Variants in FASN observed in about 807,000 individuals in gnomAD.
FASN encodes the protein fatty acid synthase, also known as 3-hydroxyacyl-[acyl-carrier-protein] dehydratase.
FASN carries 50 observed loss-of-function variants against 250.0 expected under a neutral mutation model. The ratio of observed to expected loss-of-function variants is 0.20; its 90% CI spans 0.16 to 0.25. The LOEUF (loss-of-function observed/expected upper bound fraction) is 0.25, where lower values mean the gene tolerates loss of function less well. FASN is among the 10% of genes least tolerant of loss of function. The pLI, the probability that FASN is intolerant of heterozygous loss-of-function variation, is 1.00. For missense variants in FASN, 3,031 were observed against 3,498.5 expected, an observed-to-expected ratio of 0.87 and a Z score of 3.37; for synonymous variants, 1,909 against 1,584.0, an observed-to-expected ratio of 1.21 and a Z score of -4.87.
intron 8 of FASN, among the ~76,000 whole-genome samples, chr17:82,092,219 C>T (rs934646525): frequency 4.6e-5 from 7 of 152,222 alleles, no homozygotes; most frequent in African/African-American, 9.6e-5. Context: ...GTCCGGCAGA[C>T]GCTCTGCAGG....
chr17:82,080,611 A>T, intron 39 of FASN, 21 bp from the exon 40 acceptor site: 1 of 1,552,320 alleles, frequency 6.4e-7, no homozygotes, highest in Admixed American at 2.0e-5. Context: ...AGTGCCGGGC[A>T]CTCAGCATGT....
chr17:82,085,130 G>T lies in FASN; in HGVS notation c.4314C>A (p.Ser1438=). The change falls in exon 25 of 43, where the codon TCC becomes TCA. Residue 1438 remains serine, a synonymous_variant. Coordinates refer to ENST00000306749, the MANE Select transcript of FASN (RefSeq NM_004104.5). ...TGATGGCCTTCAGCCACACAGGCCG[G>T]GAAGAGTCTTCGTCAGCCAGGATGC... ...LKGILADEDS[S]RPVWLKAINC... 6.2e-7 allele frequency: 1 copy of T among 1,612,670 alleles called. No individual in the cohort carries two copies. The highest frequency in any genetic ancestry group is 1.1e-5 in the South Asian group (1 of 91,088).
In FASN at chr17:82,083,299, A is replaced by G; in HGVS notation, c.5468T>C (p.Val1823Ala). 6.2e-7 allele frequency: 1 copy of G among 1,612,408 alleles called. No individual in the cohort carries two copies. The highest frequency in any genetic ancestry group is 8.5e-7 in the Non-Finnish European group (1 of 1,179,948). ...GAACACCGTGCACTTGAGGGGCCGT[A>G]CCACCCCATCCCGGATGCCGGCCTG... is the stretch of plus-strand genomic sequence containing the variant. ...LVQAGIRDGV[V>A]RPLKCTVFHG... The change falls in exon 32 of 43, where the codon GTA (valine) becomes GCA (alanine). Residue 1823 changes from valine (V) to alanine (A), a missense_variant. Val to Ala is a moderately conservative substitution (Grantham distance 64). Coordinates refer to ENST00000306749, the MANE Select transcript of FASN (RefSeq NM_004104.5).
In FASN at chr17:82,084,575, G is replaced by A; in HGVS notation, c.4706C>T (p.Ala1569Val). 1.9e-6 allele frequency: 3 copies of A among 1,611,606 alleles called. No individual in the cohort carries two copies. The highest frequency in any genetic ancestry group is 2.5e-6 in the Non-Finnish European group (3 of 1,179,508). The change falls in exon 27 of 43, where the codon GCC (alanine) becomes GTC (valine). Residue 1569 changes from alanine to valine, a missense_variant. By Grantham distance (64) the Ala-to-Val change is moderately conservative. Coordinates refer to ENST00000306749, the MANE Select transcript of FASN (RefSeq NM_004104.5). ...PGAQLCTVYY[A>V]SLNFRDIMLA... is the part of the protein sequence containing the mutation. ...CATGATGTCGCGGAAGTTGAGGGAG[G>A]CGTAGTAGACCGTGCAGAGCTGGGC...
At position 82,087,638 on chromosome 17, in the gene FASN, C is replaced by T. The variant is rs567429745; in HGVS notation, c.3043+47G>A. On this transcript the variant is annotated intron_variant, in intron 19 of 42. Transcript: ENST00000306749. ...GTGCCCTCTGTGGTCCCCACAATGACGACCGCCCTCCCCGGTGGCTTGGGC... is the reference window on the plus strand; with the variant it reads ...GTGCCCTCTGTGGTCCCCACAATGATGACCGCCCTCCCCGGTGGCTTGGGC... 5.8e-5 allele frequency: 93 copies of T among 1,605,444 alleles called. 2 individuals carry two copies. In the Admixed American group the frequency reaches 7.7e-4, roughly 13 times the overall value.
In FASN at chr17:82,091,241, C is replaced by G; in HGVS notation, c.1473G>C (p.Pro491=). Residue 491 remains proline (P), a synonymous_variant, in exon 9 of 43, where the codon CCG becomes CCC. Transcript: ENST00000306749. ...EVQQVPAGER[P]LWFICSGMGT... is the part of the protein sequence containing the mutation. ...GCTCACCAGAGCAGATGAACCAGAG[C>G]GGGCGCTCGCCAGCGGGCACCTGCT... 1.4e-5 allele frequency: 22 copies of G among 1,599,390 alleles called. No homozygotes were observed. The highest frequency in any genetic ancestry group is 1.8e-5 in the Non-Finnish European group (21 of 1,173,966).
Position 82,088,559 on chromosome 17 carries a change from G to A in FASN, c.2424C>T (p.Ile808=), listed in dbSNP as rs972029475. The change falls in exon 16 of 43, where the codon ATC becomes ATT. Residue 808 remains isoleucine (I), a synonymous_variant. Transcript: ENST00000306749. ...AGIGRLHLSG[I]DANPNALFPP... ...GGAACAAGGCATTGGGGTTGGCGTCGATGCTACGGAGAAGGGAGGCATGGG... is the reference window on the plus strand; with the variant it reads ...GGAACAAGGCATTGGGGTTGGCGTCAATGCTACGGAGAAGGGAGGCATGGG... 4 of 1,604,440 alleles carry A rather than the reference G, an allele frequency of 2.5e-6. No individual in the cohort carries two copies. The highest frequency in any genetic ancestry group is 2.7e-5 in the African/African-American group (2 of 74,898).
At position 82,081,172 on chromosome 17, in the gene FASN, T is replaced by G; in HGVS notation, c.6587A>C (p.Glu2196Ala). 6.3e-7 allele frequency: 1 copy of G among 1,583,778 alleles called. No individual in the cohort carries two copies. The highest frequency in any genetic ancestry group is 8.6e-7 in the Non-Finnish European group (1 of 1,166,192). The change falls in exon 38 of 43, where the codon GAG becomes GCG. Residue 2196 changes from glutamate to alanine, a missense_variant. Physicochemically the swap from Glu to Ala is moderately radical, Grantham distance 107. Coordinates refer to ENST00000306749, the MANE Select transcript of FASN (RefSeq NM_004104.5). ...TGGCCACCCACACGCACCGCTGGCC[T>G]CATCCGCCTTTGAGGACAGCTCCTG... Reference protein sequence around the residue: ...KLQELSSKADEASELACPTPK... With the variant: ...KLQELSSKADAASELACPTPK...
Position 82,082,327 on chromosome 17 carries a change from C to G in FASN, c.6007G>C (p.Asp2003His), listed in dbSNP as rs2034004552. The change falls in exon 35 of 43, where the codon GAC becomes CAC. Residue 2003 changes from aspartate (D) to histidine (H), a missense_variant. Transcript: ENST00000306749. ...GCAGGGCTGTGCGGTACCCACCTGT[C>G]CAGGTTCAGGGTGCCGCTGTACTTG... ...KPKYSGTLNL[D>H]RVTREACPEL... is the part of the protein sequence containing the mutation. 6.2e-7 allele frequency: 1 copy of G among 1,612,586 alleles called. No homozygotes were observed. The highest frequency in any genetic ancestry group is 8.5e-7 in the Non-Finnish European group (1 of 1,179,944).
At position 82,085,151 on chromosome 17, in the gene FASN, G is replaced by A. The variant is rs374289785; in HGVS notation, c.4293C>T (p.Ile1431=). The A allele has an allele frequency of 2.5e-6, 4 of 1,612,470 alleles. No homozygotes were observed. Among genetic ancestry groups the A allele is most frequent in the South Asian group, 1.1e-5 (1 of 91,088 alleles). ...GCCGGGAAGAGTCTTCGTCAGCCAG[G>A]ATGCCCTACAGCGGGTCGGGGAGGG... The part of the protein sequence containing the change: ...SFRWVESLKG[I]LADEDSSRPV... Residue 1431 remains isoleucine (I), a synonymous_variant, in exon 25 of 43, where the codon ATC becomes ATT. Coordinates refer to ENST00000306749, the MANE Select transcript of FASN (RefSeq NM_004104.5).
chr17:82,083,252 C>A lies in FASN; in HGVS notation c.5515G>T (p.Ala1839Ser). The change falls in exon 32 of 43, where the codon GCC becomes TCC. Residue 1839 changes from alanine (A) to serine (S), a missense_variant. Physicochemically the swap from Ala to Ser is moderately conservative, Grantham distance 99. Coordinates refer to ENST00000306749, the MANE Select transcript of FASN (RefSeq NM_004104.5). The part of the protein sequence containing the change: ...TVFHGAQVED[A>S]FRYMAQGKHI... The stretch of plus-strand genomic sequence containing the variant: ...TTCCCTTGGGCCATGTAGCGGAAGG[C>A]GTCCTCCACCTGGGCCCCATGGAAC... 3 of 1,612,720 alleles carry A rather than the reference C, an allele frequency of 1.9e-6. No homozygotes were observed. Among genetic ancestry groups the A allele is most frequent in the Non-Finnish European group, 1.7e-6 (2 of 1,179,982 alleles).
rs750458567 is a variant in FASN at position 82,087,058 on chromosome 17, A to G, written c.3419T>C (p.Leu1140Pro). Reference protein sequence around the residue: ...ERAALQEELQLCKGLVQALQT... With the variant: ...ERAALQEELQPCKGLVQALQT... The stretch of plus-strand genomic sequence containing the variant: ...CAGGGCTGGGACCTCACCCTTGCAC[A>G]GTTGCAGCTCCTCCTGCAGGGCAGC... Residue 1140 changes from leucine (L) to proline (P), a missense_variant, in exon 21 of 43, where the codon CTG becomes CCG. Physicochemically the swap from Leu to Pro is moderately conservative, Grantham distance 98. Coordinates refer to ENST00000306749, the MANE Select transcript of FASN (RefSeq NM_004104.5). 1 of 1,611,184 alleles carries G rather than the reference A, an allele frequency of 6.2e-7. No individual in the cohort carries two copies. The highest frequency in any genetic ancestry group is 1.1e-5 in the South Asian group (1 of 90,968).
intron 17 of FASN, 40 bp from the exon 18 acceptor site, chr17:82,088,074 G>A (rs372819605): frequency 2.8e-5 from 45 of 1,612,356 alleles, no homozygotes; most frequent in South Asian, 8.8e-5. Context: ...GGCAGCACCC[G>A]CCCCCCAGCT....
chr17:82,089,637 G>C lies in FASN; in HGVS notation c.1960C>G (p.Pro654Ala), dbSNP rs1027312172. The C allele has an allele frequency of 2.5e-6, 4 of 1,599,976 alleles. No homozygotes were observed. The highest frequency in any genetic ancestry group is 3.4e-5 in the Admixed American group (2 of 57,988). The change falls in exon 12 of 43, where the codon CCT (proline) becomes GCT (alanine). Residue 654 changes from proline to alanine, a missense_variant. By Grantham distance (27) the Pro-to-Ala change is conservative. Coordinates refer to ENST00000306749, the MANE Select transcript of FASN (RefSeq NM_004104.5). ...GCCCAGGCCGCAGCACCCACCTGAG[G>C]TCCCGAGATGGTGACTGTGTCCTTG... ...NSKDTVTISG[P>A]QAPVFEFVEQ... is the part of the protein sequence containing the mutation.
At chr17:82,086,705 GC>G in intron 21 of FASN, 147 bp from the exon 22 acceptor site, 1 of 722,946 alleles carries the variant, frequency 1.4e-6, no homozygotes, top group Non-Finnish European at 2.4e-6. Context: ...GGAAGGGGCT[GC>G]CCACCACTGG....
intron 3 of FASN, 136 bp downstream of exon 3, chr17:82,095,184 G>T: frequency 3.6e-6 from 4 of 1,101,380 alleles, no homozygotes; most frequent in Non-Finnish European, 2.7e-6. Context: ...GAGCCCGTTG[G>T]CCAGGCCAGG....
chr17:82,086,035 G>A (rs2034092052), intron 22 of FASN, among the ~76,000 whole-genome samples, 164 bp from the exon 23 acceptor site: 1 of 152,196 alleles, frequency 6.6e-6, no homozygotes, highest in South Asian at 2.1e-4. Context: ...TCTTGTCCCT[G>A]GGGTCCTGCC....
Position 82,080,608 on chromosome 17 carries a change from G to A in FASN, c.6827-18C>T, listed in dbSNP as rs1316086586. The A allele has an allele frequency of 1.2e-5, 19 of 1,552,272 alleles. No homozygotes were observed. The highest frequency in any genetic ancestry group is 1.4e-5 in the Non-Finnish European group (16 of 1,148,566). On this transcript the variant is annotated intron_variant, in intron 39 of 42. Coordinates refer to ENST00000306749, the MANE Select transcript of FASN (RefSeq NM_004104.5). ...GGGCGCAGCTGCAATGGCAGTGCCG[G>A]GCACTCAGCATGTGCAGGCGGCAGC...
chr17:82,083,991 G>T lies in FASN; in HGVS notation c.5082C>A (p.Arg1694=). 1.9e-6 allele frequency: 3 copies of T among 1,539,424 alleles called. No individual in the cohort carries two copies. The highest frequency in any genetic ancestry group is 2.6e-6 in the Non-Finnish European group (3 of 1,145,496). Residue 1694 remains arginine, a synonymous_variant, in exon 29 of 43, where the codon CGC becomes CGA. Transcript: ENST00000306749. The part of the protein sequence containing the change: ...AIAIALSLGC[R]VFTTVGSAEK... Reference sequence around the variant, plus strand: ...GGGCCTTACCCACGGTGGTGAAGACGCGGCAGCCCAGACTGAGGGCGATGG... The same window carrying T: ...GGGCCTTACCCACGGTGGTGAAGACTCGGCAGCCCAGACTGAGGGCGATGG...
Sources: allele counts gnomAD v4.1 joint callset (sites outside exome capture counted in the v4.1 genomes callset), GRCh38; gene constraint gnomAD v4.1.1; transcripts MANE v1.5; gene names NCBI Gene and HGNC (gene_info 2026-07-23, HGNC 2026-07-21).